TRIO: variants seen among roughly 807,000 people sequenced by gnomAD.
The protein encoded by TRIO is triple functional domain protein.
Under a neutral mutation model 351.9 loss-of-function variants are expected in TRIO, and 58 were observed. That is an observed-to-expected ratio of 0.16 (90% CI 0.13 to 0.21). The LOEUF (loss-of-function observed/expected upper bound fraction) is 0.21. Ranked by LOEUF, TRIO falls within the 10% of genes least tolerant of loss-of-function variation. The probability of loss-of-function intolerance (pLI) is 1.00; values close to 1 mark genes in which losing one functional copy is unlikely to be tolerated. For synonymous variants in TRIO, 1,758 were observed against 1,595.7 expected (o/e 1.10, Z -2.42); for missense variants, 3,201 against 4,027.8 (o/e 0.79, Z 5.56).
At position 14,335,303 on chromosome 5, in the gene TRIO, C is replaced by G. The variant is rs114302011; in HGVS notation, c.1855-1233C>G. ...TGACGCCCTCACATCCTGCTCAGAC[C>G]CTCACCGATGAGACGCCTTCCCTGC... is the stretch of plus-strand genomic sequence containing the variant. On this transcript the variant is annotated intron_variant, in intron 10 of 56. Coordinates refer to ENST00000344204, the MANE Select transcript of TRIO (RefSeq NM_007118.4). 2.4e-3 allele frequency among the ~76,000 whole-genome samples: 370 copies of G among 152,298 alleles called. 2 individuals are homozygous for G. Among genetic ancestry groups the G allele is most frequent in the African/African-American group, 8.6e-3 (359 of 41,574 alleles).
At chr5:14,281,316 G>C (rs978718048) in intron 3 of TRIO, among the ~76,000 whole-genome samples, 10 of 152,066 alleles carry the variant, frequency 6.6e-5, no homozygotes, top group Non-Finnish European at 7.4e-5. Flanking sequence ...TGGAGCAGGA[G>C]GAAGAGGGTG....
Position 14,498,602 on chromosome 5 carries a change from T to C in TRIO, c.8294T>C (p.Met2765Thr), listed in dbSNP as rs367779826. The C allele has an allele frequency of 6.2e-6, 10 of 1,614,078 alleles. No homozygotes were observed. Among genetic ancestry groups the C allele is most frequent in the East Asian group, 2.2e-5 (1 of 44,890 alleles). The change falls in exon 53 of 57, where the codon ATG becomes ACG. Residue 2765 changes from methionine (M) to threonine (T), a missense_variant. Physicochemically the swap from Met to Thr is moderately conservative, Grantham distance 81. Around this residue, in one of 19 missense-constraint regions of TRIO, gnomAD observed 1,089 missense variants for 954.9 expected, o/e 1.14. Transcript: ENST00000344204. ...GIYTCIAVND[M>T]GSASSSASLR... ...TACACGTGCATCGCTGTCAATGACATGGGTTCAGCCTCATCGTCGGCCAGC... is the reference window on the plus strand; with the variant it reads ...TACACGTGCATCGCTGTCAATGACACGGGTTCAGCCTCATCGTCGGCCAGC...
intron 8 of TRIO, among the ~76,000 whole-genome samples, chr5:14,313,425 A>G (rs1019866142): frequency 3.9e-5 from 6 of 152,214 alleles, no homozygotes; most frequent in Non-Finnish European, 8.8e-5. Flanking sequence ...ATTGCATGGA[A>G]TGTTGTTGCT....
chr5:14,229,751 A>T (rs535092928), intron 1 of TRIO, among the ~76,000 whole-genome samples: 2 of 152,318 alleles, frequency 1.3e-5, no homozygotes, highest in African/African-American at 4.8e-5. Flanking sequence ...ACATGCTGAA[A>T]ACACGAAAAT....
rs769437496 is a variant in TRIO, at chr5:14,387,699, TTAAC to T, written c.3766-31_3766-28del. On this transcript the variant is annotated intron_variant, in intron 22 of 56. Transcript: ENST00000344204. ...CCTAACGCCCTCTCTGCTGATTTAATTAACTGAGTTCATTGGCTCTGTTATTCCA... is the reference window on the plus strand; with the variant it reads ...CCTAACGCCCTCTCTGCTGATTTAATTGAGTTCATTGGCTCTGTTATTCCA... 3.2e-5 allele frequency: 52 copies of T among 1,611,592 alleles called. 1 individual carries two copies. The South Asian group carries it at 5.7e-4, about 18-fold the overall frequency.
At chr5:14,238,137 T>C (rs896380341) in intron 1 of TRIO, among the ~76,000 whole-genome samples, 6 of 152,202 alleles carry the variant, frequency 3.9e-5, no homozygotes, top group African/African-American at 1.2e-4. Context: ...GTCAGTTCTC[T>C]CGAAACAGTG....
At chr5:14,358,853 CA>C (rs1398086866) in intron 12 of TRIO, among the ~76,000 whole-genome samples, 1 of 152,134 alleles carries the variant, frequency 6.6e-6, no homozygotes, top group African/African-American at 2.4e-5. Flanking sequence ...TTTATTGGGT[CA>C]GGGGGACCAT....
At chr5:14,387,356 T>C in intron 21 of TRIO, 82 bp from the exon 22 acceptor site, 1 of 1,414,062 alleles carries the variant, frequency 7.1e-7, no homozygotes, top group South Asian at 1.4e-5. Context: ...AGCTCAGAGT[T>C]GGAGTCAAGT....
intron 34 of TRIO, among the ~76,000 whole-genome samples, chr5:14,421,394 A>G (rs1337343667): frequency 6.6e-6 from 1 of 151,638 alleles, no homozygotes; most frequent in Non-Finnish European, 1.5e-5. Context: ...ACCTGAGGTC[A>G]AAAGTTCGGA....
intron 33 of TRIO, among the ~76,000 whole-genome samples, chr5:14,418,198 C>CTT (rs1749799939): frequency 6.6e-6 from 1 of 152,166 alleles, no homozygotes; most frequent in African/African-American, 2.4e-5. Flanking sequence ...GTATGGGCTA[C>CTT]TTACAGGCAG....
At chr5:14,304,743 C>T (rs562814256) in intron 8 of TRIO, 151 bp downstream of exon 8, 7 of 934,456 alleles carry the variant, frequency 7.5e-6, no homozygotes, top group Non-Finnish European at 1.1e-5. Context: ...ATTTGAACCC[C>T]TGTGTGTGTG....
At chr5:14,181,225 T>C (rs1308337655) in intron 1 of TRIO, among the ~76,000 whole-genome samples, 1 of 152,188 alleles carries the variant, frequency 6.6e-6, no homozygotes, top group African/African-American at 2.4e-5. Flanking sequence ...AAATACCGTA[T>C]TATTCTTGGA....
At position 14,487,684 on chromosome 5, in the gene TRIO, G is replaced by C; in HGVS notation, c.7056G>C (p.Leu2352=). 2.1e-6 allele frequency: 3 copies of C among 1,421,658 alleles called. No homozygotes were observed. The highest frequency in any genetic ancestry group is 1.5e-5 in the South Asian group (1 of 67,028). The allele number at this position is 1,421,658 out of a possible 1,614,324, so 88.1% of individuals were successfully genotyped here. A position where few individuals can be genotyped will look rare whatever the true frequency, so the allele number is the denominator to read the frequency against. The change falls in exon 48 of 57, where the codon CTG becomes CTC. Residue 2352 remains leucine (L), a synonymous_variant. Coordinates refer to ENST00000344204, the MANE Select transcript of TRIO (RefSeq NM_007118.4). The part of the protein sequence containing the change: ...PQPVRHHPPV[L]VSSAASSQAE... ...CTGTCCGACACCACCCCCCCGTGCT[G>C]GTCTCCTCTGCAGCCTCGAGCCAGG... is the stretch of plus-strand genomic sequence containing the variant.
At chr5:14,374,159 G>A in intron 18 of TRIO, 70 bp from the exon 19 acceptor site, 1 of 1,135,524 alleles carries the variant, frequency 8.8e-7, no homozygotes, top group Non-Finnish European at 1.3e-6. Flanking sequence ...TTAGAGTGCA[G>A]TGATGTGTAC....
At chr5:14,362,734 TC>T (rs1303393821) in intron 13 of TRIO, among the ~76,000 whole-genome samples, 1 of 152,162 alleles carries the variant, frequency 6.6e-6, no homozygotes, top group Non-Finnish European at 1.5e-5. Context: ...GCCTGTCTAA[TC>T]CCACTTCCCT....
At chr5:14,200,233 A>G (rs1791022059) in intron 1 of TRIO, among the ~76,000 whole-genome samples, 4 of 152,108 alleles carry the variant, frequency 2.6e-5, no homozygotes, top group Admixed American at 2.0e-4. Flanking sequence ...ATATGCCTCC[A>G]TCCTTCTCAG....
chr5:14,436,817 G>A (rs865862799), intron 34 of TRIO, among the ~76,000 whole-genome samples: 6 of 152,220 alleles, frequency 3.9e-5, no homozygotes, highest in Middle Eastern at 3.2e-3. Context: ...GGGTTCCCAT[G>A]GTCTTGGACA....
At chr5:14,420,870 T>C (rs1355859851) in intron 34 of TRIO, 2 of 152,290 alleles carry the variant, frequency 1.3e-5, no homozygotes, top group Non-Finnish European at 2.9e-5. Flanking sequence ...CTGAAGGATT[T>C]CTTCCGCATG....
chr5:14,347,004 TGGTG>T (rs1742480287), intron 11 of TRIO, among the ~76,000 whole-genome samples: 3 of 152,214 alleles, frequency 2.0e-5, no homozygotes, highest in Admixed American at 1.3e-4. Flanking sequence ...ACAAAGGTAG[TGGTG>T]GATGATGCTG....
Sources: allele counts gnomAD v4.1 joint callset (sites outside exome capture counted in the v4.1 genomes callset), GRCh38; gene constraint gnomAD v4.1.1; regional missense constraint gnomAD v4.1.1; transcripts MANE v1.5; gene names NCBI Gene and HGNC (gene_info 2026-07-23, HGNC 2026-07-21).